The following STON2 variants were observed in gnomAD, a reference collection of about 807,000 sequenced individuals.
STON2 encodes the protein stonin-2.
In STON2, 29 loss-of-function variants were observed where a neutral mutation model predicts 65.7. The observed-to-expected ratio is 0.44, with a 90% confidence interval of 0.33 to 0.60. STON2 has a LOEUF of 0.60. Ranked by LOEUF, STON2 falls within the 20% of genes least tolerant of loss-of-function variation. STON2 has a pLI of 0.03. For synonymous variants in STON2, 404 were observed against 414.2 expected (o/e 0.98, Z 0.30); for missense variants, 1,054 against 1,118.1 (o/e 0.94, Z 0.82).
intron 3 of STON2, among the ~76,000 whole-genome samples, chr14:81,383,856 T>C (rs1899654261): frequency 6.6e-6 from 1 of 152,174 alleles, no homozygotes; most frequent in African/African-American, 2.4e-5. Context: ...AAACCCTCCA[T>C]TAGCTTTCCA....
intron 4 of STON2, among the ~76,000 whole-genome samples, chr14:81,347,589 T>A (rs1396577101): frequency 5.5e-4 from 70 of 128,216 alleles, no homozygotes; most frequent in Non-Finnish European, 1.0e-3. Context: ...AGCATTACCC[T>A]GATATCAAAC....
chr14:81,307,711 T>C (rs76637428), intron 5 of STON2, among the ~76,000 whole-genome samples: 12,956 of 152,322 alleles, frequency 0.085, 674 homozygotes, highest in East Asian at 0.17. Context: ...GAGACGAGGA[T>C]GATAATCCAC....
chr14:81,276,884 G>GAGGT lies in STON2; in HGVS notation c.2581+16_2581+17insACCT, dbSNP rs1566882754. Reference sequence around the variant, plus strand: ...CAACTGTATGTTTGTTTTCACAGAAGAGGAACCACCACCCACCTGAGTTTT... The same window carrying GAGGT: ...CAACTGTATGTTTGTTTTCACAGAAGAGGTAGGAACCACCACCCACCTGAGTTTT... On this transcript the variant is annotated intron_variant, in intron 6 of 7. Coordinates refer to ENST00000614646, the MANE Select transcript of STON2 (RefSeq NM_001394390.1). The GAGGT allele has an allele frequency of 1.3e-6, 2 of 1,599,796 alleles. No homozygotes were observed. The highest frequency in any genetic ancestry group is 4.5e-5 in the East Asian group (2 of 44,584).
chr14:81,423,457 T>A (rs1901814373), intron 2 of STON2, among the ~76,000 whole-genome samples: 1 of 152,218 alleles, frequency 6.6e-6, no homozygotes, highest in Non-Finnish European at 1.5e-5. Flanking sequence ...ACAACTTATC[T>A]GGCTCAAGTT....
chr14:81,311,772 A>C (rs1896436462), intron 5 of STON2, among the ~76,000 whole-genome samples: 1 of 152,224 alleles, frequency 6.6e-6, no homozygotes, highest in African/African-American at 2.4e-5. Context: ...GAAAACAAAG[A>C]GAATGCTTAT....
chr14:81,320,417 G>A (rs555619828), intron 5 of STON2, among the ~76,000 whole-genome samples: 2 of 18,338 alleles, frequency 1.1e-4, no homozygotes, highest in South Asian at 2.6e-3. Flanking sequence ...ATTTAAAGAG[G>A]AGAGTAATTG....
chr14:81,333,188 C>G, intron 4 of STON2: 1 of 1,162,656 alleles, frequency 8.6e-7, no homozygotes, highest in Non-Finnish European at 1.3e-6. Flanking sequence ...AATCCAAGTA[C>G]AAAGATGACA....
At chr14:81,409,601 G>A (rs987107215) in intron 2 of STON2, among the ~76,000 whole-genome samples, 1 of 152,038 alleles carries the variant, frequency 6.6e-6, no homozygotes, top group African/African-American at 2.4e-5. Flanking sequence ...CCTGAGATAA[G>A]TAAAGCAAAT....
intron 4 of STON2, among the ~76,000 whole-genome samples, chr14:81,340,023 G>A (rs546436932): frequency 3.4e-4 from 52 of 152,104 alleles, no homozygotes; most frequent in Non-Finnish European, 6.5e-4. Flanking sequence ...GCGTGGTGGC[G>A]GGCGCCTGTA....
At chr14:81,309,191 T>C (rs1896327534) in intron 5 of STON2, among the ~76,000 whole-genome samples, 1 of 151,880 alleles carries the variant, frequency 6.6e-6, no homozygotes, top group Admixed American at 6.6e-5. Flanking sequence ...TTAAATGAGA[T>C]CTCATGACAA....
chr14:81,316,159 A>G (rs1896610370), intron 5 of STON2, among the ~76,000 whole-genome samples: 1 of 152,230 alleles, frequency 6.6e-6, no homozygotes, highest in Admixed American at 6.5e-5. Flanking sequence ...CCACTGTTGA[A>G]CATGAGGTTA....
chr14:81,417,127 A>G (rs944331744), intron 2 of STON2, among the ~76,000 whole-genome samples: 1 of 152,174 alleles, frequency 6.6e-6, no homozygotes, highest in African/African-American at 2.4e-5. Context: ...TCAAGTCTTT[A>G]GCATCCCAAA....
chr14:81,383,629 C>T (rs1899643663), intron 3 of STON2, among the ~76,000 whole-genome samples: 1 of 152,132 alleles, frequency 6.6e-6, no homozygotes, highest in Non-Finnish European at 1.5e-5. Flanking sequence ...CAATCACTTC[C>T]TGCCTTCTCC....
intron 4 of STON2, among the ~76,000 whole-genome samples, chr14:81,361,946 A>G (rs1170410079): frequency 6.6e-6 from 1 of 152,132 alleles, no homozygotes; most frequent in East Asian, 1.9e-4. Context: ...ATGAGATATC[A>G]CCTCACACCT....
upstream of STON2, among the ~76,000 whole-genome samples, chr14:81,403,712 A>C (rs1356135279): frequency 6.6e-6 from 1 of 152,182 alleles, no homozygotes; most frequent in East Asian, 1.9e-4. Context: ...CACGTTTGAG[A>C]GTCATCTGGC....
intron 7 of STON2, among the ~76,000 whole-genome samples, chr14:81,269,112 T>C (rs1303100211): frequency 6.6e-6 from 1 of 152,136 alleles, no homozygotes; most frequent in African/African-American, 2.4e-5. Flanking sequence ...CTCAAGTGAT[T>C]CTCCTGCCTC....
intron 4 of STON2, among the ~76,000 whole-genome samples, chr14:81,331,447 C>A (rs528500889): frequency 2.0e-5 from 3 of 152,272 alleles, no homozygotes; most frequent in East Asian, 1.9e-4. Context: ...CTGGATCTGA[C>A]GTGTCAGTGA....
Position 81,262,553 on chromosome 14 carries a change from T to C in STON2, c.*5861A>G. 1 of 985,442 alleles carries C rather than the reference T, an allele frequency of 1.0e-6. No individual in the cohort carries two copies. Among genetic ancestry groups the C allele is most frequent in the Non-Finnish European group, 1.2e-6 (1 of 829,902 alleles). The allele number at this position is 985,442 out of a possible 1,614,324, so 61.0% of individuals were successfully genotyped here. On this transcript the variant is annotated 3_prime_UTR_variant, in exon 8 of 8. Transcript: ENST00000614646. ...ATTTGTCATCTCTCTAGATTTTACTTTTTCATATTGAAATTCTTTTTTTAG... is the reference window on the plus strand; with the variant it reads ...ATTTGTCATCTCTCTAGATTTTACTCTTTCATATTGAAATTCTTTTTTTAG...
chr14:81,400,051 G>C (rs1900527697), intron 1 of STON2, among the ~76,000 whole-genome samples: 1 of 152,126 alleles, frequency 6.6e-6, no homozygotes, highest in Admixed American at 6.5e-5. Flanking sequence ...AGTACATATA[G>C]ACTATCACCC....
Sources: allele counts gnomAD v4.1 joint callset (sites outside exome capture counted in the v4.1 genomes callset), GRCh38; gene constraint gnomAD v4.1.1; transcripts MANE v1.5; gene names NCBI Gene and HGNC (gene_info 2026-07-23, HGNC 2026-07-21).